The following DNER variants were observed in gnomAD, a reference collection of about 807,000 sequenced individuals.
DNER encodes the protein delta and Notch-like epidermal growth factor-related receptor.
In DNER, 33 loss-of-function variants were observed where a neutral mutation model predicts 78.2. The observed-to-expected ratio is 0.42, with a 90% CI of 0.32 to 0.56. The LOEUF (loss-of-function observed/expected upper bound fraction) is 0.56. Among genes scored for constraint, DNER ranks in the 20% least tolerant of loss-of-function variants. The pLI is 0.11. For synonymous variants in DNER, 417 were observed against 384.8 expected, an observed-to-expected ratio of 1.08 and a Z score of -0.98; for missense variants, 918 against 975.3, an observed-to-expected ratio of 0.94 and a Z score of 0.78.
rs200655757 is a variant in DNER at position 229,665,653 on chromosome 2, C to G, written c.276+48495G>C. 2.6e-5 allele frequency among the ~76,000 whole-genome samples: 4 copies of G among 152,040 alleles called. No individual in the cohort carries two copies. The East Asian group carries it at 7.7e-4, about 29-fold the overall frequency. ...AATTGTCAGTATTTAATGTTTTTAC[C>G]CTACTCAATGTTAGATATAGTCTAC... On this transcript the variant is annotated intron_variant, in intron 1 of 12. Coordinates refer to ENST00000341772, the MANE Select transcript of DNER (RefSeq NM_139072.4).
At chr2:229,507,400 A>T (rs1018376577) in intron 6 of DNER, among the ~76,000 whole-genome samples, 2 of 152,242 alleles carry the variant, frequency 1.3e-5, no homozygotes, top group African/African-American at 4.8e-5. Context: ...ATATGCCTAC[A>T]TGTGCTATAA....
At chr2:229,473,244 T>C (rs1559361132) in intron 7 of DNER, among the ~76,000 whole-genome samples, 1 of 152,240 alleles carries the variant, frequency 6.6e-6, no homozygotes, top group Non-Finnish European at 1.5e-5. Flanking sequence ...TTTTTCCAGA[T>C]TTAAGAAAGT....
chr2:229,536,952 T>C (rs996638863), intron 5 of DNER, among the ~76,000 whole-genome samples: 1 of 152,078 alleles, frequency 6.6e-6, no homozygotes. Context: ...CCAGGGAGTT[T>C]TGTGCCCCAA....
intron 1 of DNER, among the ~76,000 whole-genome samples, chr2:229,621,857 G>A (rs572727012): frequency 5.1e-4 from 78 of 152,208 alleles, no homozygotes; most frequent in Middle Eastern, 6.8e-3. Flanking sequence ...AGGCCGAGGC[G>A]GGCGGATCAT....
At chr2:229,472,522 A>G (rs890537108) in intron 7 of DNER, among the ~76,000 whole-genome samples, 1 of 152,222 alleles carries the variant, frequency 6.6e-6, no homozygotes, top group Non-Finnish European at 1.5e-5. Flanking sequence ...CTGTATTTAT[A>G]CATGTATCTA....
At chr2:229,619,923 A>T (rs1698225117) in intron 1 of DNER, among the ~76,000 whole-genome samples, 1 of 152,224 alleles carries the variant, frequency 6.6e-6, no homozygotes, top group Non-Finnish European at 1.5e-5. Flanking sequence ...CTCCACCTGC[A>T]CTACTATTCC....
intron 1 of DNER, among the ~76,000 whole-genome samples, chr2:229,704,231 G>A (rs1699793065): frequency 6.6e-6 from 1 of 152,198 alleles, no homozygotes; most frequent in Non-Finnish European, 1.5e-5. Flanking sequence ...GCAAGCAACT[G>A]GAAGCCTCAT....
At chr2:229,567,871 C>A (rs1414403087) in intron 4 of DNER, among the ~76,000 whole-genome samples, 1 of 152,178 alleles carries the variant, frequency 6.6e-6, no homozygotes, top group East Asian at 1.9e-4. Context: ...ATGCTTCAGT[C>A]TCTACAAAAG....
intron 8 of DNER, among the ~76,000 whole-genome samples, chr2:229,434,856 C>G (rs1694087118): frequency 6.6e-6 from 1 of 151,844 alleles, no homozygotes; most frequent in African/African-American, 2.4e-5. Flanking sequence ...AGATTAAACA[C>G]TGTTTTTCAA....
chr2:229,604,526 GA>G (rs1469170153), intron 1 of DNER, among the ~76,000 whole-genome samples: 1 of 152,160 alleles, frequency 6.6e-6, no homozygotes, highest in African/African-American at 2.4e-5. Context: ...TGCAAGAGCA[GA>G]AAAATCAGGG....
At position 229,547,310 on chromosome 2, in the gene DNER, C is replaced by T. The variant is rs556166055; in HGVS notation, c.848-218G>A. Among the ~76,000 whole-genome samples, 4 of 152,294 alleles carry T rather than the reference C, an allele frequency of 2.6e-5. No homozygotes were observed. In the East Asian group the frequency reaches 7.7e-4, roughly 29 times the overall value. ...AGGGCAGGCTGGTCCTCCCAAGCCT[C>T]ATAAGAAACACCTAAGGCCAAGCAA... On this transcript the variant is annotated intron_variant, in intron 4 of 12. Coordinates refer to ENST00000341772, the MANE Select transcript of DNER (RefSeq NM_139072.4).
rs201324699 is a variant in DNER at position 229,545,529 on chromosome 2, G to A, written c.993+1418C>T. 2.6e-4 allele frequency among the ~76,000 whole-genome samples: 39 copies of A among 152,304 alleles called. No individual in the cohort carries two copies. In the East Asian group the frequency reaches 5.2e-3, roughly 20 times the overall value. The stretch of plus-strand genomic sequence containing the variant: ...GGTGAGGTTGCAGTGAGCCGAGATC[G>A]CGCCACTGCACTCCAGCCTGGGTGA... On this transcript the variant is annotated intron_variant, in intron 5 of 12. Coordinates refer to ENST00000341772, the MANE Select transcript of DNER (RefSeq NM_139072.4).
intron 1 of DNER, among the ~76,000 whole-genome samples, chr2:229,641,241 G>A (rs181712357): frequency 5.3e-4 from 81 of 152,270 alleles, no homozygotes; most frequent in African/African-American, 1.8e-3. Flanking sequence ...TGGGGGTGAG[G>A]TTAGAGGCAG....
At chr2:229,457,153 A>G (rs1694593062) in intron 7 of DNER, among the ~76,000 whole-genome samples, 1 of 152,126 alleles carries the variant, frequency 6.6e-6, no homozygotes, top group South Asian at 2.1e-4. Flanking sequence ...ATCTAGCCAC[A>G]CTACAAAAAT....
chr2:229,498,483 T>C (rs757494462), intron 6 of DNER, among the ~76,000 whole-genome samples: 2 of 152,158 alleles, frequency 1.3e-5, no homozygotes, highest in Admixed American at 6.5e-5. Context: ...AGTTAGACTG[T>C]TTGCTGATGA....
chr2:229,463,724 A>G (rs2154210932), intron 7 of DNER, among the ~76,000 whole-genome samples: 1 of 152,312 alleles, frequency 6.6e-6, no homozygotes, highest in African/African-American at 2.4e-5. Flanking sequence ...ACAGGCATTG[A>G]GCCGCTGTGC....
Position 229,563,033 on chromosome 2 carries a change from C to T in DNER, c.848-15941G>A, listed in dbSNP as rs1224240736. 2.0e-5 allele frequency among the ~76,000 whole-genome samples: 3 copies of T among 150,036 alleles called. No homozygotes were observed. In the South Asian group the frequency reaches 6.4e-4, roughly 32 times the overall value. On this transcript the variant is annotated intron_variant, in intron 4 of 12. Coordinates refer to ENST00000341772, the MANE Select transcript of DNER (RefSeq NM_139072.4). ...CCCCACCACCATCATCATCATCCTC[C>T]TCACCCCATCACCAACATCATCAAC...
At chr2:229,697,893 G>A (rs537131795) in intron 1 of DNER, among the ~76,000 whole-genome samples, 5 of 152,136 alleles carry the variant, frequency 3.3e-5, no homozygotes, top group Non-Finnish European at 7.4e-5. Context: ...CATGCATGTA[G>A]AAGTAGAAGA....
chr2:229,523,497 T>C (rs1412499377), intron 5 of DNER, among the ~76,000 whole-genome samples: 1 of 152,204 alleles, frequency 6.6e-6, no homozygotes, highest in Non-Finnish European at 1.5e-5. Flanking sequence ...TATGTCCCAA[T>C]GTCCTTTCTT....
Sources: gnomAD v4.1 joint callset for allele counts (sites outside exome capture counted in the v4.1 genomes callset) on GRCh38, gnomAD v4.1.1 for gene constraint, MANE v1.5 for transcripts, NCBI Gene and HGNC (gene_info 2026-07-23, HGNC 2026-07-21) for gene names.